PLPP4: variants seen among roughly 807,000 people sequenced by gnomAD.
The protein encoded by PLPP4 is diacylglycerol pyrophosphate like 2.
A neutral mutation model predicts 32.2 loss-of-function variants in PLPP4; 20 were observed. The ratio of observed to expected loss-of-function variants is 0.62; its 90% CI spans 0.44 to 0.90. PLPP4 has a LOEUF of 0.90. PLPP4 is among the 40% of genes least tolerant of loss of function. PLPP4 has a pLI of 0.00. For synonymous variants in PLPP4, 127 were observed against 133.0 expected, an observed-to-expected ratio of 0.95 and a Z score of 0.31; for missense variants, 257 against 353.1, an observed-to-expected ratio of 0.73 and a Z score of 2.18.
At chr10:120,477,380 A>C (rs983912273) in intron 1 of PLPP4, among the ~76,000 whole-genome samples, 4 of 151,942 alleles carry the variant, frequency 2.6e-5, no homozygotes, top group South Asian at 2.1e-4. Flanking sequence ...AAAAAAAAAA[A>C]ACAGAAGAAA....
chr10:120,487,941 C>T (rs887478062), intron 1 of PLPP4, among the ~76,000 whole-genome samples: 1 of 152,162 alleles, frequency 6.6e-6, no homozygotes, highest in Non-Finnish European at 1.5e-5. Context: ...AGCTCTCAAC[C>T]CAGAGGCACC....
At chr10:120,533,055 T>C (rs1002244404) in intron 5 of PLPP4, among the ~76,000 whole-genome samples, 9 of 152,220 alleles carry the variant, frequency 5.9e-5, no homozygotes, top group African/African-American at 2.2e-4. Flanking sequence ...ATGGAATTGA[T>C]GGGCATATGG....
chr10:120,574,166 ACACTCTCTCTCTCTCT>A (rs1187418095), intron 5 of PLPP4, among the ~76,000 whole-genome samples: 94 of 48,004 alleles, frequency 2.0e-3, no homozygotes, highest in African/African-American at 6.7e-3. Flanking sequence ...ACACACACAC[ACACTCTCTCTCTCTCT>A]CTCTCTCTCT....
intron 3 of PLPP4, among the ~76,000 whole-genome samples, chr10:120,514,927 ATGTT>A (rs1845878042): frequency 6.6e-6 from 1 of 152,280 alleles, no homozygotes; most frequent in African/African-American, 2.4e-5. Flanking sequence ...ACTTAAGGGT[ATGTT>A]TGTTTGTTAA....
intron 5 of PLPP4, among the ~76,000 whole-genome samples, chr10:120,556,726 A>T (rs541190541): frequency 6.6e-6 from 1 of 152,296 alleles, no homozygotes; most frequent in South Asian, 2.1e-4. Flanking sequence ...TATTGATCCC[A>T]TTTGCAGGTG....
intron 2 of PLPP4, among the ~76,000 whole-genome samples, chr10:120,506,422 T>C (rs1845492071): frequency 6.6e-6 from 1 of 152,220 alleles, no homozygotes; most frequent in African/African-American, 2.4e-5. Flanking sequence ...CTTCAGATGT[T>C]AGTAGAAGAA....
intron 1 of PLPP4, among the ~76,000 whole-genome samples, chr10:120,473,845 C>T (rs965167756): frequency 6.6e-6 from 1 of 152,084 alleles, no homozygotes; most frequent in Admixed American, 6.5e-5. Flanking sequence ...TGTAAGTTTC[C>T]AGGAGCCTCC....
At chr10:120,466,513 C>T (rs1848321321) in intron 1 of PLPP4, among the ~76,000 whole-genome samples, 1 of 152,126 alleles carries the variant, frequency 6.6e-6, no homozygotes, top group Non-Finnish European at 1.5e-5. Flanking sequence ...TTTACGGCTC[C>T]ATTTCTCTAG....
chr10:120,552,374 A>G (rs1847950681), intron 5 of PLPP4, among the ~76,000 whole-genome samples: 1 of 152,160 alleles, frequency 6.6e-6, no homozygotes, highest in Non-Finnish European at 1.5e-5. Context: ...CAGCTTCTTT[A>G]TCTAACGGAT....
chr10:120,495,087 C>T (rs1483692178), intron 1 of PLPP4, among the ~76,000 whole-genome samples: 6 of 152,042 alleles, frequency 3.9e-5, no homozygotes, highest in Admixed American at 1.3e-4. Flanking sequence ...CACTCCGTGC[C>T]GTATAGACTT....
At chr10:120,577,109 G>T (rs1849259054) in intron 6 of PLPP4, among the ~76,000 whole-genome samples, 1 of 152,140 alleles carries the variant, frequency 6.6e-6, no homozygotes, top group Non-Finnish European at 1.5e-5. Flanking sequence ...ATGCAAAGTG[G>T]TATCATTGTT....
chr10:120,513,961 C>G lies in PLPP4; in HGVS notation c.216C>G (p.Ile72Met). ...CTGTTATTTGTGTGGTGAAAATTAT[C>G]CGGCGAACAGACAAGACTGAAATTA... ...PLAVICVVKI[I>M]RRTDKTEIKE... is the part of the protein sequence containing the mutation. Residue 72 changes from isoleucine to methionine, a missense_variant, in exon 3 of 7, where the codon ATC becomes ATG. Physicochemically the swap from Ile to Met is conservative, Grantham distance 10. Coordinates refer to ENST00000398250, the MANE Select transcript of PLPP4 (RefSeq NM_001030059.3). 6.2e-7 allele frequency: 1 copy of G among 1,613,850 alleles called. No individual in the cohort carries two copies. The highest frequency in any genetic ancestry group is 2.2e-5 in the East Asian group (1 of 44,874).
intron 6 of PLPP4, among the ~76,000 whole-genome samples, chr10:120,576,939 C>A (rs757714127): frequency 6.6e-6 from 1 of 152,342 alleles, no homozygotes; most frequent in East Asian, 1.9e-4. Flanking sequence ...AAGAATATTA[C>A]GGGCCAAATG....
intron 1 of PLPP4, among the ~76,000 whole-genome samples, chr10:120,484,538 A>G (rs1270034015): frequency 6.6e-6 from 1 of 152,194 alleles, no homozygotes; most frequent in Non-Finnish European, 1.5e-5. Context: ...TAAGGAACCC[A>G]TTCCTGCAAT....
At chr10:120,481,406 A>G (rs1844200046) in intron 1 of PLPP4, among the ~76,000 whole-genome samples, 1 of 152,226 alleles carries the variant, frequency 6.6e-6, no homozygotes, top group Non-Finnish European at 1.5e-5. Flanking sequence ...GAAAGGGTTT[A>G]AAACCATTGT....
At chr10:120,502,496 GT>G (rs1462602556) in intron 1 of PLPP4, among the ~76,000 whole-genome samples, 3 of 152,132 alleles carry the variant, frequency 2.0e-5, no homozygotes, top group Non-Finnish European at 4.4e-5. Context: ...CCAAATAGAT[GT>G]TAACTTCTGT....
intron 1 of PLPP4, among the ~76,000 whole-genome samples, chr10:120,458,047 G>T (rs1230614071): frequency 1.3e-5 from 2 of 152,204 alleles, no homozygotes; most frequent in Non-Finnish European, 2.9e-5. Context: ...TGAGAACAGC[G>T]ATCCCGAAAA....
intron 1 of PLPP4, among the ~76,000 whole-genome samples, chr10:120,472,003 A>C (rs1269197180): frequency 6.6e-6 from 1 of 152,086 alleles, no homozygotes; most frequent in Non-Finnish European, 1.5e-5. Context: ...TAAAAATCAT[A>C]TGACAGCATA....
chr10:120,473,820 C>T (rs1179351767), intron 1 of PLPP4, among the ~76,000 whole-genome samples: 1 of 152,138 alleles, frequency 6.6e-6, no homozygotes, highest in African/African-American at 2.4e-5. Flanking sequence ...TTCCCCTTTG[C>T]CCTTCTGCTA....
Sources: allele counts gnomAD v4.1 joint callset (sites outside exome capture counted in the v4.1 genomes callset), GRCh38; gene constraint gnomAD v4.1.1; transcripts MANE v1.5; gene names NCBI Gene and HGNC (gene_info 2026-07-23, HGNC 2026-07-21).